Variants in VAPA observed in about 807,000 individuals in gnomAD.
The protein encoded by VAPA is VAMP associated protein A, also known as vesicle-associated membrane protein-associated protein A.
VAPA carries 6 observed loss-of-function variants against 25.6 expected under a neutral mutation model. The ratio of observed to expected loss-of-function variants is 0.23; its 90% CI spans 0.13 to 0.46. The LOEUF is 0.46. Ranked by LOEUF, VAPA falls within the 20% of genes least tolerant of loss-of-function variation. The probability of loss-of-function intolerance (pLI) is 0.99; values close to 1 mark genes in which losing one functional copy is unlikely to be tolerated. For synonymous variants in VAPA, 112 were observed against 106.2 expected (o/e 1.05, Z -0.34); for missense variants, 244 against 302.1 (o/e 0.81, Z 1.43).
At chr18:9,947,968 A>G (rs192960449) in intron 4 of VAPA, 1 of 152,202 alleles carries the variant, frequency 6.6e-6, no homozygotes. Context: ...TGCACCTGTT[A>G]TGTATGTTCA....
intron 1 of VAPA, chr18:9,924,013 C>G (rs1420039817): frequency 2.6e-5 from 4 of 154,594 alleles, no homozygotes; most frequent in African/African-American, 4.8e-5. Flanking sequence ...TATTATAAAG[C>G]CAATAAAAAT....
At chr18:9,942,638 T>A (rs1458500809) in intron 4 of VAPA, among the ~76,000 whole-genome samples, 1 of 152,164 alleles carries the variant, frequency 6.6e-6, no homozygotes, top group African/African-American at 2.4e-5. Flanking sequence ...GCAGGGCGGC[T>A]TCTGCTTCTG....
At chr18:9,952,033 T>G (rs1387205646) in intron 5 of VAPA, among the ~76,000 whole-genome samples, 2 of 152,208 alleles carry the variant, frequency 1.3e-5, no homozygotes. Flanking sequence ...TTCTGTTCTT[T>G]GATAAAGATG....
chr18:9,932,360 A>T (rs1233818719), intron 2 of VAPA, among the ~76,000 whole-genome samples: 1 of 152,182 alleles, frequency 6.6e-6, no homozygotes, highest in Non-Finnish European at 1.5e-5. Flanking sequence ...AAAAAGGTGC[A>T]ATGCCACTTT....
intron 1 of VAPA, among the ~76,000 whole-genome samples, chr18:9,928,038 T>A (rs541399024): frequency 6.6e-6 from 1 of 152,226 alleles, no homozygotes; most frequent in African/African-American, 2.4e-5. Flanking sequence ...TTATAAACAG[T>A]GACATATCTC....
intron 4 of VAPA, among the ~76,000 whole-genome samples, chr18:9,943,234 C>T (rs917075347): frequency 6.6e-6 from 1 of 152,088 alleles, no homozygotes; most frequent in Non-Finnish European, 1.5e-5. Flanking sequence ...AAACAATTCT[C>T]ATTTATTTGA....
intron 4 of VAPA, among the ~76,000 whole-genome samples, chr18:9,943,943 C>T (rs535564431): frequency 3.3e-4 from 45 of 138,184 alleles, no homozygotes; most frequent in Non-Finnish European, 5.6e-4. Context: ...TCACTGTAAG[C>T]GCCGCCTCCC....
intron 4 of VAPA, among the ~76,000 whole-genome samples, chr18:9,944,620 G>T (rs2069402043): frequency 6.6e-6 from 1 of 152,172 alleles, no homozygotes; most frequent in South Asian, 2.1e-4. Flanking sequence ...CAAAGAATTA[G>T]ATGGTATTCA....
intron 1 of VAPA, among the ~76,000 whole-genome samples, chr18:9,919,622 A>G (rs2069140211): frequency 6.6e-6 from 1 of 152,374 alleles, no homozygotes; most frequent in East Asian, 1.9e-4. Flanking sequence ...AGGAAAATGC[A>G]TGTTCAAATA....
intron 4 of VAPA, chr18:9,948,123 A>G (rs2069445503): frequency 6.6e-6 from 1 of 152,146 alleles, no homozygotes; most frequent in African/African-American, 2.4e-5. Flanking sequence ...TTTGTTACAA[A>G]AGCAGTATAA....
chr18:9,944,313 T>C (rs1453935769), intron 4 of VAPA, among the ~76,000 whole-genome samples: 1 of 152,058 alleles, frequency 6.6e-6, no homozygotes, highest in African/African-American at 2.4e-5. Flanking sequence ...ACAAATGGGG[T>C]ATCAGTAAGT....
intron 1 of VAPA, among the ~76,000 whole-genome samples, chr18:9,916,481 T>C (rs907040540): frequency 6.6e-6 from 1 of 152,198 alleles, no homozygotes; most frequent in African/African-American, 2.4e-5. Flanking sequence ...AGAGAGTGGT[T>C]GAGTAAACAC....
rs1364366331 is a variant in VAPA, at chr18:9,958,951, T to C, written c.*4740T>C. Reference sequence around the variant, plus strand: ...CCTGAGAAATTTATTTTGTCCATCATGTATTTCTCAAAGCAAAAGGTGGTT... The same window carrying C: ...CCTGAGAAATTTATTTTGTCCATCACGTATTTCTCAAAGCAAAAGGTGGTT... On this transcript the variant is annotated 3_prime_UTR_variant, in exon 6 of 6. Coordinates refer to ENST00000400000, the MANE Select transcript of VAPA (RefSeq NM_194434.3). 1 of 152,242 alleles carries C rather than the reference T, an allele frequency of 6.6e-6. No individual in the cohort carries two copies. Among genetic ancestry groups the C allele is most frequent in the East Asian group, 1.9e-4 (1 of 5,204 alleles). 9.4% of individuals were successfully genotyped at this position (152,242 alleles called of 1,614,324 possible).
intron 4 of VAPA, among the ~76,000 whole-genome samples, chr18:9,938,760 C>G (rs1327259237): frequency 6.6e-6 from 1 of 152,168 alleles, no homozygotes; most frequent in Middle Eastern, 3.2e-3. Context: ...TAGGAAATAT[C>G]TGCTAAAGAT....
Position 9,922,809 on chromosome 18 carries a change from T to C in VAPA, c.79+8474T>C, listed in dbSNP as rs1274829907. 3.3e-5 allele frequency among the ~76,000 whole-genome samples: 5 copies of C among 152,212 alleles called. No homozygotes were observed. In the East Asian group the frequency reaches 9.6e-4, roughly 29 times the overall value. ...TACAGCCTCTTCCTGTGATGCCAGT[T>C]ATACTTCATTTCCTGTGCCATTGAA... On this transcript the variant is annotated intron_variant, in intron 1 of 5. Coordinates refer to ENST00000400000, the MANE Select transcript of VAPA (RefSeq NM_194434.3).
intron 1 of VAPA, among the ~76,000 whole-genome samples, chr18:9,925,476 C>A (rs189472322): frequency 1.8e-4 from 28 of 152,048 alleles, no homozygotes; most frequent in Non-Finnish European, 3.2e-4. Flanking sequence ...AACTAAGACT[C>A]ATTTTTTTTC....
rs774746960 is a variant in VAPA, at chr18:9,950,475, A to G, written c.498A>G (p.Ser166=). 1 of 1,614,006 alleles carries G rather than the reference A, an allele frequency of 6.2e-7. No homozygotes were observed. The highest frequency in any genetic ancestry group is 2.2e-5 in the East Asian group (1 of 44,880). ...DGPMPKPHSV[S]LNDTETRKLM... The stretch of plus-strand genomic sequence containing the variant: ...CTATGCCAAAACCACACAGTGTTTC[A>G]CTTAATGATACCGAAACAAGGAAAC... The change falls in exon 5 of 6, where the codon TCA becomes TCG. Residue 166 remains serine (S), a synonymous_variant. Transcript: ENST00000400000.
chr18:9,953,288 C>T (rs2069509015), intron 5 of VAPA, among the ~76,000 whole-genome samples: 1 of 152,172 alleles, frequency 6.6e-6, no homozygotes, highest in African/African-American at 2.4e-5. Context: ...CCCTCATTTT[C>T]CAGTCCAGGT....
At chr18:9,934,775 C>T (rs995866985) in intron 2 of VAPA, among the ~76,000 whole-genome samples, 1 of 152,148 alleles carries the variant, frequency 6.6e-6, no homozygotes, top group Non-Finnish European at 1.5e-5. Flanking sequence ...CTTACAACCA[C>T]ATGGAACCTT....
Sources: gnomAD v4.1 joint callset for allele counts (sites outside exome capture counted in the v4.1 genomes callset) on GRCh38, gnomAD v4.1.1 for gene constraint, MANE v1.5 for transcripts, NCBI Gene and HGNC (gene_info 2026-07-23, HGNC 2026-07-21) for gene names.